Variants in CUL5 observed in about 807,000 individuals in gnomAD.
The protein encoded by CUL5 is cullin 5.
In CUL5, 26 loss-of-function variants were observed where a neutral mutation model predicts 108.8. That is an observed-to-expected ratio of 0.24 (90% CI 0.18 to 0.33). The LOEUF is 0.33. Ranked by LOEUF, CUL5 falls within the 10% of genes least tolerant of loss-of-function variation. The probability of loss-of-function intolerance (pLI) is 1.00; values close to 1 mark genes in which losing one functional copy is unlikely to be tolerated. For missense variants in CUL5, 524 were observed against 909.2 expected (o/e 0.58, Z 5.45); for synonymous variants, 334 against 298.0 (o/e 1.12, Z -1.25).
chr11:108,035,294 A>G (rs538448512), intron 2 of CUL5, among the ~76,000 whole-genome samples: 21 of 152,314 alleles, frequency 1.4e-4, no homozygotes, highest in Admixed American at 1.4e-3. Context: ...TCAGATACAT[A>G]AGACCAATCA....
intron 17 of CUL5, 87 bp from the exon 18 acceptor site, chr11:108,098,319 T>A: frequency 4.1e-6 from 5 of 1,208,432 alleles, no homozygotes; most frequent in Non-Finnish European, 5.7e-6. Context: ...AGCATATTTT[T>A]AAATCTTTTC....
Position 108,079,881 on chromosome 11 carries a change from A to G in CUL5, c.1178+1641A>G, listed in dbSNP as rs1461077232. ...TTGTGTAAAGCTTCTTTCATTCTGC[A>G]TTGTGTTTTTGAAATTCTTTTATGT... On this transcript the variant is annotated intron_variant, in intron 11 of 18. Transcript: ENST00000393094. Among the ~76,000 whole-genome samples, 3 of 152,076 alleles carry G rather than the reference A, an allele frequency of 2.0e-5. No individual in the cohort carries two copies. In the East Asian group the frequency reaches 5.8e-4, roughly 29 times the overall value.
intron 11 of CUL5, among the ~76,000 whole-genome samples, chr11:108,088,122 T>G (rs1329740453): frequency 1.3e-5 from 2 of 151,842 alleles, no homozygotes; most frequent in Non-Finnish European, 2.9e-5. Flanking sequence ...TTTTAAAGAG[T>G]GAAATAACAG....
chr11:108,020,476 G>A (rs1487661407), intron 1 of CUL5, among the ~76,000 whole-genome samples: 1 of 151,840 alleles, frequency 6.6e-6, no homozygotes, highest in Non-Finnish European at 1.5e-5. Context: ...TAATAGAAAA[G>A]TTTATAGAAT....
chr11:108,026,829 A>G (rs1464486361), intron 1 of CUL5, among the ~76,000 whole-genome samples: 1 of 151,770 alleles, frequency 6.6e-6, no homozygotes, highest in East Asian at 2.0e-4. Flanking sequence ...TCTCTACTAA[A>G]AATAGAAAAA....
rs1185675726 is a variant in CUL5 at position 108,106,399 on chromosome 11, G to T, written c.*2015G>T. ...AGTCATGATGTTTTGATTTATGAAGGTGAATTTAATGCAAAAGTGGGTAAC... is the reference window on the plus strand; with the variant it reads ...AGTCATGATGTTTTGATTTATGAAGTTGAATTTAATGCAAAAGTGGGTAAC... On this transcript the variant is annotated 3_prime_UTR_variant, in exon 19 of 19. Coordinates refer to ENST00000393094, the MANE Select transcript of CUL5 (RefSeq NM_003478.6). The T allele has an allele frequency of 6.6e-6, 1 of 152,420 alleles. No individual in the cohort carries two copies. The highest frequency in any genetic ancestry group is 2.4e-5 in the African/African-American group (1 of 41,396). 9.4% of individuals were successfully genotyped at this position (152,420 alleles called of 1,614,324 possible). A position where few individuals can be genotyped will look rare whatever the true frequency, so the allele number is the denominator to read the frequency against.
Position 108,094,364 on chromosome 11 carries a change from TCTTC to T in CUL5, c.1444-22_1444-19del, listed in dbSNP as rs766713346. The T allele has an allele frequency of 3.9e-6, 6 of 1,527,282 alleles. No homozygotes were observed. The Admixed American group carries it at 1.0e-4, about 26-fold the overall frequency. The allele number at this position is 1,527,282 out of a possible 1,614,324, so 94.6% of individuals were successfully genotyped here. A position where few individuals can be genotyped will look rare whatever the true frequency, so the allele number is the denominator to read the frequency against. Reference sequence around the variant, plus strand: ...TATATCAGATTATGTATTTATTACCTCTTCCTTCTTTGGTTTATATTTATAGGAA... The same window carrying T: ...TATATCAGATTATGTATTTATTACCTCTTCTTTGGTTTATATTTATAGGAA... On this transcript the variant is annotated intron_variant, in intron 13 of 18. Transcript: ENST00000393094.
intron 7 of CUL5, among the ~76,000 whole-genome samples, chr11:108,062,740 A>T (rs1863571776): frequency 6.6e-6 from 1 of 152,016 alleles, no homozygotes; most frequent in South Asian, 2.1e-4. Flanking sequence ...CAATCCAATT[A>T]TATTCTTTTA....
intron 2 of CUL5, among the ~76,000 whole-genome samples, chr11:108,043,466 A>G (rs1862986326): frequency 6.6e-6 from 1 of 152,172 alleles, no homozygotes; most frequent in South Asian, 2.1e-4. Context: ...AATTTATTCT[A>G]AGAGTATTGG....
chr11:108,009,514 C>G, intron 1 of CUL5, 142 bp downstream of exon 1: 1 of 849,322 alleles, frequency 1.2e-6, no homozygotes, highest in South Asian at 1.6e-5. Context: ...TGGCAGCCGG[C>G]GAGTACCGGA....
intron 2 of CUL5, among the ~76,000 whole-genome samples, chr11:108,035,136 C>T (rs931720582): frequency 6.6e-6 from 1 of 152,144 alleles, no homozygotes; most frequent in African/African-American, 2.4e-5. Context: ...AAGGCAAACA[C>T]AAGTCAGTAG....
Position 108,097,739 on chromosome 11 carries a change from A to C in CUL5, c.2009A>C (p.Gln670Pro). Residue 670 changes from glutamine (Q) to proline (P), a missense_variant, in exon 17 of 19, where the codon CAG becomes CCG. Transcript: ENST00000393094. The stretch of plus-strand genomic sequence containing the variant: ...GAAGGTACCCTCTTCTCAGTGAACC[A>C]GGAGTTCAGTTTAATGTAAGCTCGT... ...FTEGTLFSVN[Q>P]EFSLIKNAKV... The C allele has an allele frequency of 1.3e-6, 2 of 1,592,448 alleles. No individual in the cohort carries two copies. The highest frequency in any genetic ancestry group is 1.7e-6 in the Non-Finnish European group (2 of 1,160,864).
chr11:108,009,034 G>A lies in CUL5; in HGVS notation c.-315G>A, dbSNP rs1255281067. 5 of 440,526 alleles carry A rather than the reference G, an allele frequency of 1.1e-5. No individual in the cohort carries two copies. Among genetic ancestry groups the A allele is most frequent in the African/African-American group, 8.1e-5 (4 of 49,106 alleles). The allele number at this position is 440,526 out of a possible 1,614,324, so 27.3% of individuals were successfully genotyped here. A position where few individuals can be genotyped will look rare whatever the true frequency, so the allele number is the denominator to read the frequency against. On this transcript the variant is annotated 5_prime_UTR_variant, in exon 1 of 19. Transcript: ENST00000393094. ...ATCCGAAGGAGTCGGGGAGGCTCGTGGAGTCGATGCTTCCTCTTCCAAGTC... is the reference window on the plus strand; with the variant it reads ...ATCCGAAGGAGTCGGGGAGGCTCGTAGAGTCGATGCTTCCTCTTCCAAGTC...
intron 2 of CUL5, among the ~76,000 whole-genome samples, chr11:108,035,863 T>G (rs1380342485): frequency 6.6e-6 from 1 of 152,180 alleles, no homozygotes. Flanking sequence ...GTGTCAGGTT[T>G]CAGCCTAGCC....
At chr11:108,062,693 A>G in intron 7 of CUL5, among the ~76,000 whole-genome samples, 1 of 152,004 alleles carries the variant, frequency 6.6e-6, no homozygotes, top group East Asian at 1.9e-4. Flanking sequence ...GGCAAATGGT[A>G]TCAATCACCT....
At chr11:108,009,924 G>A (rs568941281) in intron 1 of CUL5, among the ~76,000 whole-genome samples, 1 of 151,676 alleles carries the variant, frequency 6.6e-6, no homozygotes, top group South Asian at 2.1e-4. Flanking sequence ...TCCCATTCTT[G>A]AGTTCATCTT....
At chr11:108,064,662 A>G (rs1264057421) in intron 7 of CUL5, among the ~76,000 whole-genome samples, 1 of 152,202 alleles carries the variant, frequency 6.6e-6, no homozygotes, top group African/African-American at 2.4e-5. Flanking sequence ...GTGAGCCAAG[A>G]TCATGCCACT....
At chr11:108,095,124 A>C in intron 15 of CUL5, 137 bp downstream of exon 15, 1 of 690,874 alleles carries the variant, frequency 1.4e-6, no homozygotes. Flanking sequence ...AATTTTTTTC[A>C]TGAAGTTGAT....
chr11:108,023,238 ACT>A (rs1231831261), intron 1 of CUL5, among the ~76,000 whole-genome samples: 3 of 151,946 alleles, frequency 2.0e-5, no homozygotes, highest in Admixed American at 2.0e-4. Context: ...AACAAACAAA[ACT>A]CTGTATCAAA....
Sources: gnomAD v4.1 joint callset for allele counts (sites outside exome capture counted in the v4.1 genomes callset) on GRCh38, gnomAD v4.1.1 for gene constraint, MANE v1.5 for transcripts, NCBI Gene and HGNC (gene_info 2026-07-23, HGNC 2026-07-21) for gene names.